HLA-DRB1: variants seen among roughly 807,000 people sequenced by gnomAD.
HLA-DRB1 encodes major histocompatibility complex, class II, DR beta 1 precursor.
HLA-DRB1 carries 10 observed loss-of-function variants against 27.9 expected under a neutral mutation model. The ratio of observed to expected loss-of-function variants is 0.36; its 90% CI spans 0.22 to 0.61. The LOEUF (loss-of-function observed/expected upper bound fraction) is 0.61, where lower values mean the gene tolerates loss of function less well. Among genes scored for constraint, HLA-DRB1 ranks in the 20% least tolerant of loss-of-function variants. The pLI is 0.73. For missense variants in HLA-DRB1, 118 were observed against 306.3 expected (o/e 0.39, Z 4.59); for synonymous variants, 57 against 126.7 (o/e 0.45, Z 3.69).
At chr6:32,583,128 C>T (rs28724033) in intron 2 of HLA-DRB1, among the ~76,000 whole-genome samples, 3,057 of 50,066 alleles carry the variant, frequency 0.061, 354 homozygotes, top group Middle Eastern at 0.11. Context: ...ACTAAGCCCT[C>T]AAGATATTAG....
At chr6:32,582,311 A>C (rs6457604) in intron 2 of HLA-DRB1, among the ~76,000 whole-genome samples, 3 of 131,082 alleles carry the variant, frequency 2.3e-5, no homozygotes, top group Non-Finnish European at 4.8e-5. Context: ...TAAAACAATG[A>C]CTGAAGATAG....
At chr6:32,588,315 G>C (rs28724183) in intron 1 of HLA-DRB1, among the ~76,000 whole-genome samples, 2 of 132,716 alleles carry the variant, frequency 1.5e-5, no homozygotes, top group Non-Finnish European at 3.3e-5. Flanking sequence ...AATTAGCTGG[G>C]CGTGGTTGCC....
At chr6:32,583,570 C>T (rs28724057) in intron 2 of HLA-DRB1, among the ~76,000 whole-genome samples, 38 of 61,360 alleles carry the variant, frequency 6.2e-4, no homozygotes, top group Admixed American at 9.7e-4. Flanking sequence ...AGAAATTAAT[C>T]TATTGCTTTT....
chr6:32,589,073 C>T (rs34277376), intron 1 of HLA-DRB1, among the ~76,000 whole-genome samples: 14,053 of 70,242 alleles, frequency 0.2, 19 homozygotes, highest in Middle Eastern at 0.38. Context: ...AGTATAACTT[C>T]TGTCAGAGAA....
chr6:32,584,931 A>G (rs142706681), intron 1 of HLA-DRB1, among the ~76,000 whole-genome samples: 5,285 of 65,066 alleles, frequency 0.081, 179 homozygotes, highest in East Asian at 0.11. Context: ...CTTAGACAGC[A>G]ATGAGAAATA....
chr6:32,585,091 C>T (rs115936732), intron 1 of HLA-DRB1, among the ~76,000 whole-genome samples: 15,593 of 119,232 alleles, frequency 0.13, 3,171 homozygotes, highest in Non-Finnish European at 0.14. Flanking sequence ...CTAGTCAAAC[C>T]TCAGAAGAAG....
exon 2 of HLA-DRB1, chr6:32,584,293 G>A (rs17879242): frequency 2.1e-6 from 3 of 1,431,996 alleles, no homozygotes; most frequent in Non-Finnish European, 2.9e-6. Context: ...ACTCCTCCTG[G>A]TTATAGAAGT....
At chr6:32,589,494 A>T (rs9270282) in intron 1 of HLA-DRB1, 149 bp downstream of exon 1, 43,362 of 293,344 alleles carry the variant, frequency 0.15, 9,331 homozygotes, top group East Asian at 0.27. Context: ...CCTTTTATGG[A>T]GGAAATAATT....
At chr6:32,581,939 G>C in intron 2 of HLA-DRB1, 101 bp from the exon 3 acceptor site, 2 of 648,854 alleles carry the variant, frequency 3.1e-6, no homozygotes, top group South Asian at 4.0e-5. Context: ...CTCTGGCCTT[G>C]ACCAGGCCTA....
chr6:32,582,377 A>G (rs34975388), intron 2 of HLA-DRB1, among the ~76,000 whole-genome samples: 5,593 of 110,782 alleles, frequency 0.05, no homozygotes, highest in Admixed American at 0.085. Flanking sequence ...GAGGGCACTC[A>G]TCACACTTGA....
At chr6:32,581,200 A>G (rs41288045) in intron 3 of HLA-DRB1, among the ~76,000 whole-genome samples, 13,181 of 65,552 alleles carry the variant, frequency 0.2, 2,776 homozygotes, top group Middle Eastern at 0.29. Context: ...AGGCCCCTAC[A>G]CTTCTCCTCT....
intron 2 of HLA-DRB1, among the ~76,000 whole-genome samples, chr6:32,582,520 C>G (rs9269852): frequency 0.43 from 37,091 of 86,228 alleles, 9,630 homozygotes; most frequent in Middle Eastern, 0.47. Flanking sequence ...GAATACTACT[C>G]CCATGCACTC....
intron 1 of HLA-DRB1, among the ~76,000 whole-genome samples, chr6:32,588,010 C>G: frequency 6.6e-6 from 1 of 150,710 alleles, no homozygotes; most frequent in East Asian, 2.0e-4. Context: ...GGCTCAAGCT[C>G]CAGCACTCTT....
At chr6:32,586,220 T>C (rs9270063) in intron 1 of HLA-DRB1, among the ~76,000 whole-genome samples, 3,533 of 76,708 alleles carry the variant, frequency 0.046, 63 homozygotes, top group Admixed American at 0.07. Flanking sequence ...TCCTTTAGGT[T>C]CAGCTGGCTC....
rs573735973 is a variant in HLA-DRB1 at position 32,579,920 on chromosome 6, G to A, written c.787+327C>T. 6.0e-5 allele frequency among the ~76,000 whole-genome samples: 2 copies of A among 33,418 alleles called. 1 individual carries two copies. 21.9% of individuals were successfully genotyped at this position (33,418 alleles called of 152,430 possible). A position where few individuals can be genotyped will look rare whatever the true frequency, so the allele number is the denominator to read the frequency against. On this transcript the variant is annotated intron_variant, in intron 5 of 5. Transcript: ENST00000360004. ...AGATCGAGACCATCCTGGCTAAAAC[G>A]GTGAAACCCCGTCTCTACTAAAAAT...
chr6:32,586,420 T>G (rs9270080), intron 1 of HLA-DRB1, among the ~76,000 whole-genome samples: 896 of 72,614 alleles, frequency 0.012, 4 homozygotes, highest in African/African-American at 0.015. Flanking sequence ...TTGCCCCTCC[T>G]CTTAGTGGTA....
chr6:32,584,137 A>C (rs1775992186), exon 2 of HLA-DRB1: 2 of 1,444,214 alleles, frequency 1.4e-6, no homozygotes, highest in Non-Finnish European at 9.3e-7. Context: ...AGCTCTCCAC[A>C]ACCCCGTAGT....
Position 32,581,375 on chromosome 6 carries a change from C to A in HLA-DRB1, c.652+182G>T, listed in dbSNP as rs41288109. On this transcript the variant is annotated intron_variant, in intron 3 of 5. Transcript: ENST00000360004. ...CCGCCTGGCAGGCGAGACTGCTTCTCCAGGAGGTACAGGTGTTTCTAGAAA... is the reference window on the plus strand; with the variant it reads ...CCGCCTGGCAGGCGAGACTGCTTCTACAGGAGGTACAGGTGTTTCTAGAAA... 8.6e-3 allele frequency among the ~76,000 whole-genome samples: 653 copies of A among 75,936 alleles called. 18 individuals are homozygous for A. The highest frequency in any genetic ancestry group is 0.013 in the African/African-American group (213 of 16,022). The allele number at this position is 75,936 out of a possible 152,430, so 49.8% of individuals were successfully genotyped here.
intron 3 of HLA-DRB1, among the ~76,000 whole-genome samples, chr6:32,581,145 G>C (rs28732305): frequency 5.0e-3 from 350 of 69,454 alleles, no homozygotes; most frequent in East Asian, 0.013. Flanking sequence ...GAGTGACAAA[G>C]CTAATAAAAA....
Sources: allele counts gnomAD v4.1 joint callset (sites outside exome capture counted in the v4.1 genomes callset), GRCh38; gene constraint gnomAD v4.1.1; transcripts MANE v1.5; gene names NCBI Gene and HGNC (gene_info 2026-07-23, HGNC 2026-07-21).